Variants in ARL13B observed in about 807,000 individuals in gnomAD.
ARL13B encodes the protein ADP-ribosylation factor-like protein 13B.
ARL13B carries 36 observed loss-of-function variants against 56.1 expected under a neutral mutation model. The observed-to-expected ratio is 0.64, with a 90% CI of 0.49 to 0.85. The LOEUF (loss-of-function observed/expected upper bound fraction) is 0.85. ARL13B is among the 40% of genes least tolerant of loss of function. ARL13B has a pLI of 0.00. For synonymous variants in ARL13B, 178 were observed against 171.1 expected (o/e 1.04, Z -0.32); for missense variants, 519 against 507.1 (o/e 1.02, Z -0.23).
At chr3:93,998,147 G>A (rs1444374576) in intron 2 of ARL13B, among the ~76,000 whole-genome samples, 2 of 152,022 alleles carry the variant, frequency 1.3e-5, no homozygotes, top group East Asian at 1.9e-4. Flanking sequence ...TTCTTAGCTT[G>A]TGGGCCATAC....
At chr3:94,001,245 G>A (rs2076051142) in intron 2 of ARL13B, among the ~76,000 whole-genome samples, 1 of 152,098 alleles carries the variant, frequency 6.6e-6, no homozygotes, top group South Asian at 2.1e-4. Context: ...GGAAAGAATA[G>A]AAGGTGTTCC....
At chr3:94,046,386 A>G (rs1050848279) in intron 7 of ARL13B, among the ~76,000 whole-genome samples, 5 of 151,874 alleles carry the variant, frequency 3.3e-5, no homozygotes, top group African/African-American at 1.2e-4. Flanking sequence ...TTTATATACT[A>G]TTCCTTGAAT....
At chr3:94,014,577 A>T (rs961672457) in intron 3 of ARL13B, 1 of 1,611,356 alleles carries the variant, frequency 6.2e-7, no homozygotes, top group African/African-American at 1.3e-5. Flanking sequence ...GAATGAAAAG[A>T]TCCCTTAAAT....
intron 7 of ARL13B, among the ~76,000 whole-genome samples, chr3:94,047,187 G>T (rs1174535787): frequency 6.6e-6 from 1 of 152,116 alleles, no homozygotes; most frequent in Non-Finnish European, 1.5e-5. Context: ...TTATTTATAA[G>T]AAATTTTTAT....
intron 1 of ARL13B, among the ~76,000 whole-genome samples, chr3:93,992,182 G>A (rs561189422): frequency 6.6e-6 from 1 of 151,974 alleles, no homozygotes; most frequent in African/African-American, 2.4e-5. Context: ...TTAGATGTTT[G>A]TTTTTTTAAA....
At chr3:94,043,363 C>A in intron 7 of ARL13B, 123 bp downstream of exon 7, 2 of 857,862 alleles carry the variant, frequency 2.3e-6, no homozygotes, top group African/African-American at 1.7e-5. Context: ...TCTTCAAATG[C>A]CATATTTACC....
At chr3:93,996,937 G>C (rs535231958) in intron 2 of ARL13B, among the ~76,000 whole-genome samples, 1 of 151,980 alleles carries the variant, frequency 6.6e-6, no homozygotes, top group Non-Finnish European at 1.5e-5. Flanking sequence ...CCTGAACATT[G>C]CCCCCTGTCA....
chr3:94,050,956 T>A, intron 9 of ARL13B, 64 bp downstream of exon 9: 1 of 1,479,886 alleles, frequency 6.8e-7, no homozygotes, highest in Non-Finnish European at 9.4e-7. Flanking sequence ...TTCTTTAGCC[T>A]TATAATTTCA....
chr3:94,009,657 C>T (rs2076191145), intron 3 of ARL13B, among the ~76,000 whole-genome samples: 1 of 151,934 alleles, frequency 6.6e-6, no homozygotes. Flanking sequence ...CCTCTGAAAC[C>T]CCTACTTATT....
At chr3:93,981,095 C>T (rs940314693) in intron 1 of ARL13B, among the ~76,000 whole-genome samples, 1 of 152,134 alleles carries the variant, frequency 6.6e-6, no homozygotes, top group Non-Finnish European at 1.5e-5. Context: ...CTAGTAAAAC[C>T]TTTTAATTGA....
intron 3 of ARL13B, among the ~76,000 whole-genome samples, chr3:94,021,662 G>A (rs891282059): frequency 6.6e-6 from 1 of 152,086 alleles, no homozygotes; most frequent in Non-Finnish European, 1.5e-5. Flanking sequence ...CTTCTTTTCA[G>A]TATAGAGAAA....
chr3:94,014,622 G>A (rs567858834), intron 3 of ARL13B: 2 of 1,613,424 alleles, frequency 1.2e-6, no homozygotes, highest in East Asian at 2.2e-5. Context: ...CAAGTTCCTT[G>A]TGTCTCTGTT....
intron 8 of ARL13B, 64 bp downstream of exon 8, chr3:94,049,586 A>G (rs1169626430): frequency 1.7e-6 from 2 of 1,172,324 alleles, no homozygotes; most frequent in African/African-American, 3.1e-5. Flanking sequence ...GAAAAAAAAA[A>G]AGAAAAAAGG....
At chr3:94,016,831 G>C (rs1381189957) in intron 3 of ARL13B, among the ~76,000 whole-genome samples, 1 of 151,980 alleles carries the variant, frequency 6.6e-6, no homozygotes, top group Admixed American at 6.6e-5. Flanking sequence ...ATTTTTGGTA[G>C]AGACAGGGTT....
At chr3:94,041,399 A>G (rs2076859528) in intron 6 of ARL13B, among the ~76,000 whole-genome samples, 1 of 152,210 alleles carries the variant, frequency 6.6e-6, no homozygotes. Flanking sequence ...TTAAATTCCA[A>G]AAGTATCAAA....
At chr3:94,003,508 G>T in intron 2 of ARL13B, 151 bp from the exon 3 acceptor site, 2 of 827,822 alleles carry the variant, frequency 2.4e-6, no homozygotes, top group Admixed American at 2.8e-5. Flanking sequence ...TTGATATTCT[G>T]GCCTGTCCCC....
At chr3:94,048,528 C>T (rs1346897073) in intron 7 of ARL13B, among the ~76,000 whole-genome samples, 1 of 151,968 alleles carries the variant, frequency 6.6e-6, no homozygotes, top group African/African-American at 2.4e-5. Context: ...ATTTTGGTTA[C>T]GTGTTTGTAT....
At chr3:93,986,395 T>C (rs970786802) in intron 1 of ARL13B, among the ~76,000 whole-genome samples, 1 of 152,226 alleles carries the variant, frequency 6.6e-6, no homozygotes, top group Non-Finnish European at 1.5e-5. Context: ...TGTACTGCAA[T>C]AAAATCACAC....
At chr3:94,007,564 A>T (rs1016042433) in intron 3 of ARL13B, among the ~76,000 whole-genome samples, 2 of 152,136 alleles carry the variant, frequency 1.3e-5, no homozygotes, top group Non-Finnish European at 2.9e-5. Flanking sequence ...GTGGCAAGAG[A>T]AAATGAGGAA....
Sources: allele counts gnomAD v4.1 joint callset (sites outside exome capture counted in the v4.1 genomes callset), GRCh38; gene constraint gnomAD v4.1.1; transcripts MANE v1.5; gene names NCBI Gene and HGNC (gene_info 2026-07-23, HGNC 2026-07-21).